The following RGS7 variants were observed in gnomAD, a reference collection of about 807,000 sequenced individuals.
The protein encoded by RGS7 is regulator of G-protein signaling 7.
In RGS7, 27 loss-of-function variants were observed where a neutral mutation model predicts 81.1. The ratio of observed to expected loss-of-function variants is 0.33; its 90% CI spans 0.25 to 0.46. The LOEUF is 0.46. Ranked by LOEUF, RGS7 falls within the 20% of genes least tolerant of loss-of-function variation. RGS7 has a pLI of 1.00. For synonymous variants in RGS7, 208 were observed against 207.7 expected (o/e 1.00, Z -0.01); for missense variants, 396 against 607.4 (o/e 0.65, Z 3.66).
At chr1:241,250,567 C>A (rs980757123) in intron 2 of RGS7, among the ~76,000 whole-genome samples, 12 of 151,946 alleles carry the variant, frequency 7.9e-5, no homozygotes, top group Non-Finnish European at 1.0e-4. Context: ...GGGAAAATAG[C>A]ACAGGCCATG....
intron 2 of RGS7, among the ~76,000 whole-genome samples, chr1:241,136,844 CCTTTG>C (rs1302766660): frequency 3.2e-4 from 49 of 152,256 alleles, no homozygotes; most frequent in Non-Finnish European, 4.4e-5. Context: ...TGTTCCCCTT[CCTTTG>C]CATTAAAAAA....
intron 18 of RGS7, among the ~76,000 whole-genome samples, chr1:240,799,352 G>T (rs1183016993): frequency 7.0e-6 from 1 of 142,528 alleles, no homozygotes; most frequent in Admixed American, 7.1e-5. Flanking sequence ...AATTCCAGTT[G>T]TTTTTTTTTT....
chr1:240,808,977 G>C (rs1358079751), intron 14 of RGS7, among the ~76,000 whole-genome samples: 2 of 152,022 alleles, frequency 1.3e-5, no homozygotes, highest in Non-Finnish European at 2.9e-5. Context: ...AAAATGGGAT[G>C]ATAACGCCTA....
intron 3 of RGS7, among the ~76,000 whole-genome samples, chr1:241,076,423 A>C (rs1380496863): frequency 6.6e-6 from 1 of 152,238 alleles, no homozygotes; most frequent in Non-Finnish European, 1.5e-5. Context: ...TTGGAATTTT[A>C]GTATGGCTAT....
chr1:241,077,317 G>C (rs2062859599), intron 3 of RGS7, among the ~76,000 whole-genome samples: 1 of 152,116 alleles, frequency 6.6e-6, no homozygotes, highest in Non-Finnish European at 1.5e-5. Flanking sequence ...ACAGAAATTT[G>C]ACCCAAAGAA....
chr1:241,325,519 C>A (rs2081440480), intron 2 of RGS7, among the ~76,000 whole-genome samples: 1 of 152,202 alleles, frequency 6.6e-6, no homozygotes, highest in African/African-American at 2.4e-5. Context: ...GCCTAACACA[C>A]TGCCAGTCAC....
At position 240,877,840 on chromosome 1, in the gene RGS7, C is replaced by T. The variant is rs74149527; in HGVS notation, c.386-7721G>A. Reference sequence around the variant, plus strand: ...CTTTCAAGACCTGTGATCTTTATAACCAAATTTCAGAAAGTTTAGACATGA... The same window carrying T: ...CTTTCAAGACCTGTGATCTTTATAATCAAATTTCAGAAAGTTTAGACATGA... On this transcript the variant is annotated intron_variant, in intron 6 of 18. Coordinates refer to ENST00000440928, the MANE Select transcript of RGS7 (RefSeq NM_001364886.1). 7.7e-3 allele frequency among the ~76,000 whole-genome samples: 1,175 copies of T among 152,248 alleles called. 13 individuals carry two copies. The highest frequency in any genetic ancestry group is 0.026 in the African/African-American group (1,100 of 41,528).
At chr1:241,313,377 T>C (rs959051945) in intron 2 of RGS7, among the ~76,000 whole-genome samples, 3 of 152,256 alleles carry the variant, frequency 2.0e-5, no homozygotes, top group Non-Finnish European at 4.4e-5. Context: ...ACTCTCTTGG[T>C]AGAGGCTAAT....
intron 3 of RGS7, among the ~76,000 whole-genome samples, chr1:241,054,695 T>A (rs911763090): frequency 5.3e-5 from 8 of 152,216 alleles, no homozygotes; most frequent in African/African-American, 1.9e-4. Context: ...CAATATTCAC[T>A]CAGGTGCTTG....
At chr1:241,018,035 C>A (rs1277247904) in intron 3 of RGS7, among the ~76,000 whole-genome samples, 2 of 151,938 alleles carry the variant, frequency 1.3e-5, no homozygotes, top group Middle Eastern at 3.4e-3. Flanking sequence ...GGCATGATCT[C>A]AGCTCACTGC....
intron 2 of RGS7, among the ~76,000 whole-genome samples, chr1:241,327,353 G>T (rs2081664493): frequency 6.6e-6 from 1 of 152,106 alleles, no homozygotes; most frequent in Non-Finnish European, 1.5e-5. Context: ...TGTTTATTAT[G>T]AATGTTTTCA....
At chr1:241,106,559 C>CA (rs112974523) in intron 2 of RGS7, among the ~76,000 whole-genome samples, 26,757 of 151,308 alleles carry the variant, frequency 0.18, 2,750 homozygotes, top group African/African-American at 0.27. Flanking sequence ...ACTAAAAATA[C>CA]AAAAAAATTA....
At chr1:241,014,564 T>C (rs115461173) in intron 3 of RGS7, among the ~76,000 whole-genome samples, 304 of 152,292 alleles carry the variant, frequency 2.0e-3, no homozygotes, top group Non-Finnish European at 3.7e-3. Context: ...TGTGGCCCAA[T>C]GATGTCACAG....
At chr1:241,171,995 C>G (rs2070767180) in intron 2 of RGS7, among the ~76,000 whole-genome samples, 1 of 152,044 alleles carries the variant, frequency 6.6e-6, no homozygotes, top group Non-Finnish European at 1.5e-5. Flanking sequence ...ACTTAACGAC[C>G]CAAAAAGAAG....
In RGS7 at chr1:240,776,025, T is replaced by G; in HGVS notation, c.*195A>C. Reference sequence around the variant, plus strand: ...ACGGAAGAGTCCATTGGAGATGGAATGTACACACAAAAATAACAATTTAGG... The same window carrying G: ...ACGGAAGAGTCCATTGGAGATGGAAGGTACACACAAAAATAACAATTTAGG... On this transcript the variant is annotated 3_prime_UTR_variant, in exon 19 of 19. Coordinates refer to ENST00000440928, the MANE Select transcript of RGS7 (RefSeq NM_001364886.1). The G allele has an allele frequency of 1.3e-6, 1 of 742,536 alleles. No homozygotes were observed. Among genetic ancestry groups the G allele is most frequent in the Admixed American group, 1.9e-5 (1 of 53,386 alleles). The allele number at this position is 742,536 out of a possible 1,614,324, so 46.0% of individuals were successfully genotyped here. A position where few individuals can be genotyped will look rare whatever the true frequency, so the allele number is the denominator to read the frequency against.
chr1:241,062,344 C>A (rs1017708637), intron 3 of RGS7, among the ~76,000 whole-genome samples: 1 of 152,158 alleles, frequency 6.6e-6, no homozygotes, highest in Admixed American at 6.5e-5. Context: ...AATGCTTGGC[C>A]GGCCAACAAC....
chr1:241,220,334 CT>C (rs1016589686), intron 2 of RGS7, among the ~76,000 whole-genome samples: 2 of 152,116 alleles, frequency 1.3e-5, no homozygotes, highest in African/African-American at 4.8e-5. Context: ...ACTTAAAGAT[CT>C]TTTTAAAAAT....
At chr1:241,023,701 T>C (rs2059652011) in intron 3 of RGS7, among the ~76,000 whole-genome samples, 1 of 152,218 alleles carries the variant, frequency 6.6e-6, no homozygotes, top group Admixed American at 6.5e-5. Flanking sequence ...GTTTACATTG[T>C]CGAGTGCCAT....
chr1:241,006,039 C>T (rs915553109), intron 3 of RGS7, among the ~76,000 whole-genome samples: 5 of 152,090 alleles, frequency 3.3e-5, no homozygotes, highest in African/African-American at 7.2e-5. Context: ...CATATATTTT[C>T]GTTTATTTTG....
Sources: allele counts gnomAD v4.1 joint callset (sites outside exome capture counted in the v4.1 genomes callset), GRCh38; gene constraint gnomAD v4.1.1; transcripts MANE v1.5; gene names NCBI Gene and HGNC (gene_info 2026-07-23, HGNC 2026-07-21).